Variants in CD200R1 observed in about 807,000 individuals in gnomAD.
CD200R1 encodes the protein cell surface glycoprotein CD200 receptor 1.
CD200R1 carries 30 observed loss-of-function variants against 38.1 expected under a neutral mutation model. The ratio of observed to expected loss-of-function variants is 0.79; its 90% CI spans 0.59 to 1.07. The LOEUF (loss-of-function observed/expected upper bound fraction) is 1.07, where lower values mean the gene tolerates loss of function less well. Ranked by LOEUF, CD200R1 falls within the 50% of genes least tolerant of loss-of-function variation. CD200R1 has a pLI of 0.00. For synonymous variants in CD200R1, 128 were observed against 152.1 expected, an observed-to-expected ratio of 0.84 and a Z score of 1.16; for missense variants, 372 against 415.4, an observed-to-expected ratio of 0.90 and a Z score of 0.91.
chr3:112,933,535 A>G (rs1233314789), intron 2 of CD200R1, among the ~76,000 whole-genome samples: 1 of 152,206 alleles, frequency 6.6e-6, no homozygotes, highest in African/African-American at 2.4e-5. Flanking sequence ...CGACAATTGC[A>G]CCAGATATGT....
intron 1 of CD200R1, among the ~76,000 whole-genome samples, chr3:112,958,106 C>T (rs1941142480): frequency 1.3e-5 from 2 of 151,878 alleles, no homozygotes; most frequent in South Asian, 4.2e-4. Flanking sequence ...CAAACATGTG[C>T]CCACCATATT....
intron 2 of CD200R1, among the ~76,000 whole-genome samples, chr3:112,942,449 T>A (rs1371548505): frequency 6.6e-6 from 1 of 151,442 alleles, no homozygotes; most frequent in Non-Finnish European, 1.5e-5. Flanking sequence ...ACTAAAAAAG[T>A]AAAAATAGAA....
At chr3:112,956,206 T>C (rs996750014) in intron 1 of CD200R1, among the ~76,000 whole-genome samples, 11 of 152,154 alleles carry the variant, frequency 7.2e-5, no homozygotes, top group African/African-American at 2.4e-5. Context: ...TTCTTTTCAT[T>C]CTTTTTTTTC....
chr3:112,955,481 A>C (rs1161061706), intron 1 of CD200R1, among the ~76,000 whole-genome samples: 1 of 151,600 alleles, frequency 6.6e-6, no homozygotes, highest in Admixed American at 6.6e-5. Context: ...CTTTATCAAT[A>C]TATAAAGACC....
chr3:112,933,766 T>C (rs1185183249), intron 2 of CD200R1, among the ~76,000 whole-genome samples: 3 of 151,990 alleles, frequency 2.0e-5, no homozygotes, highest in Non-Finnish European at 4.4e-5. Context: ...GTGATTTAAA[T>C]GAAAAATTCA....
intron 1 of CD200R1, among the ~76,000 whole-genome samples, chr3:112,951,284 A>G (rs1454223129): frequency 6.6e-5 from 10 of 152,120 alleles, no homozygotes; most frequent in Non-Finnish European, 1.3e-4. Context: ...AAATTCATTG[A>G]AGACAAAGCT....
At chr3:112,944,632 C>T (rs1287621731) in intron 2 of CD200R1, among the ~76,000 whole-genome samples, 1 of 151,960 alleles carries the variant, frequency 6.6e-6, no homozygotes, top group East Asian at 1.9e-4. Flanking sequence ...ACTGGAATTT[C>T]TAACTAATGC....
chr3:112,934,251 C>G (rs1940522206), intron 2 of CD200R1, among the ~76,000 whole-genome samples: 1 of 151,888 alleles, frequency 6.6e-6, no homozygotes, highest in South Asian at 2.1e-4. Flanking sequence ...AGCATCAAGC[C>G]AAATATAAGG....
chr3:112,963,085 T>C (rs1933062688), intron 1 of CD200R1, among the ~76,000 whole-genome samples: 3 of 152,352 alleles, frequency 2.0e-5, no homozygotes, highest in Non-Finnish European at 2.9e-5. Context: ...TCTGCTGCCA[T>C]GTAAGATGTG....
intron 1 of CD200R1, among the ~76,000 whole-genome samples, chr3:112,948,420 A>T (rs914916967): frequency 3.9e-5 from 6 of 152,172 alleles, no homozygotes; most frequent in Non-Finnish European, 7.3e-5. Context: ...TAATTTTTCC[A>T]CCACGGACAA....
At chr3:112,955,649 C>T (rs1286879395) in intron 1 of CD200R1, among the ~76,000 whole-genome samples, 2 of 151,932 alleles carry the variant, frequency 1.3e-5, no homozygotes, top group Non-Finnish European at 1.5e-5. Flanking sequence ...GCTGGGATTA[C>T]AGGTGCCCAC....
intron 2 of CD200R1, among the ~76,000 whole-genome samples, chr3:112,940,422 AAG>A (rs1163624506): frequency 6.6e-6 from 1 of 151,946 alleles, no homozygotes; most frequent in African/African-American, 2.4e-5. Flanking sequence ...CATCCAACAA[AAG>A]AGTAATATCC....
At chr3:112,958,390 A>T (rs186955468) in intron 1 of CD200R1, among the ~76,000 whole-genome samples, 90 of 152,306 alleles carry the variant, frequency 5.9e-4, no homozygotes, top group Admixed American at 4.3e-3. Flanking sequence ...AATACTACAT[A>T]CTACAAAAAA....
intron 2 of CD200R1, among the ~76,000 whole-genome samples, chr3:112,941,428 G>A (rs528666690): frequency 2.6e-5 from 4 of 151,530 alleles, no homozygotes; most frequent in African/African-American, 7.3e-5. Context: ...CAATTATTAT[G>A]TGTCAGTTAA....
chr3:112,934,143 A>G (rs1940519417), intron 2 of CD200R1, among the ~76,000 whole-genome samples: 1 of 152,148 alleles, frequency 6.6e-6, no homozygotes, highest in South Asian at 2.1e-4. Flanking sequence ...AAATTTCCCA[A>G]ATAGATTTAA....
At chr3:112,929,135 TG>T (rs1365471284) in intron 4 of CD200R1, 54 bp downstream of exon 4, 1 of 1,612,232 alleles carries the variant, frequency 6.2e-7, no homozygotes, top group African/African-American at 1.3e-5. Context: ...GAGAGACATT[TG>T]TTTCCGTCAC....
intron 5 of CD200R1, among the ~76,000 whole-genome samples, chr3:112,926,212 T>C (rs762328995): frequency 2.0e-5 from 3 of 152,190 alleles, no homozygotes; most frequent in African/African-American, 2.4e-5. Context: ...AACCAAGGAA[T>C]TGCCAGCCTG....
chr3:112,958,584 T>C (rs1488133665), intron 1 of CD200R1, among the ~76,000 whole-genome samples: 1 of 152,172 alleles, frequency 6.6e-6, no homozygotes, highest in Non-Finnish European at 1.5e-5. Flanking sequence ...TGCCATAATT[T>C]ATTAAATTAC....
intron 2 of CD200R1, among the ~76,000 whole-genome samples, chr3:112,940,476 A>G (rs1940702164): frequency 6.6e-6 from 1 of 151,818 alleles, no homozygotes; most frequent in Non-Finnish European, 1.5e-5. Context: ...TAACAGAAAA[A>G]CTAACTTAAA....
Sources: allele counts gnomAD v4.1 joint callset (sites outside exome capture counted in the v4.1 genomes callset), GRCh38; gene constraint gnomAD v4.1.1; transcripts MANE v1.5; gene names NCBI Gene and HGNC (gene_info 2026-07-23, HGNC 2026-07-21).